Variants in USP20 observed in about 807,000 individuals in gnomAD.
USP20 encodes the protein ubiquitin specific peptidase 20, also known as ubiquitin carboxyl-terminal hydrolase 20.
Under a neutral mutation model 124.2 loss-of-function variants are expected in USP20, and 80 were observed. The observed-to-expected ratio is 0.64, with a 90% CI of 0.54 to 0.78. The LOEUF (loss-of-function observed/expected upper bound fraction) is 0.78. USP20 is among the 30% of genes least tolerant of loss of function. The probability of loss-of-function intolerance (pLI) is 0.00; values close to 1 mark genes in which losing one functional copy is unlikely to be tolerated. For synonymous variants in USP20, 481 were observed against 512.3 expected (o/e 0.94, Z 0.83); for missense variants, 1,043 against 1,244.4 (o/e 0.84, Z 2.44).
chr9:129,837,520 A>C (rs34144975), intron 1 of USP20, among the ~76,000 whole-genome samples: 28,540 of 152,102 alleles, frequency 0.19, 3,197 homozygotes, highest in South Asian at 0.26. Context: ...CAATGTATTC[A>C]ACAGATTCTT....
At chr9:129,854,681 G>A (rs2033120459) in intron 3 of USP20, among the ~76,000 whole-genome samples, 1 of 152,060 alleles carries the variant, frequency 6.6e-6, no homozygotes, top group Admixed American at 6.6e-5. Flanking sequence ...GAATTGTGAA[G>A]TCAAAAAATC....
At chr9:129,870,285 G>T in intron 14 of USP20, 168 bp from the exon 15 acceptor site, 1 of 646,562 alleles carries the variant, frequency 1.5e-6, no homozygotes, top group Non-Finnish European at 2.7e-6. Context: ...CCAGGACACG[G>T]ACGTGTCTGG....
In USP20 at chr9:129,874,612, G is replaced by GTGA. The variant is rs1564220844; in HGVS notation, c.1780_1782dup (p.Met594dup). On this transcript the variant is annotated inframe_insertion, in exon 18 of 26. Coordinates refer to ENST00000372429, the MANE Select transcript of USP20 (RefSeq NM_001110303.4). ...TCACCTAAAGCGCTTTCGGCACGAG[G>GTGA]TGATGTACTCATTCAAGATCAACAG... 1 of 1,613,800 alleles carries GTGA rather than the reference G, an allele frequency of 6.2e-7. No individual in the cohort carries two copies. The highest frequency in any genetic ancestry group is 8.5e-7 in the Non-Finnish European group (1 of 1,180,006).
At chr9:129,864,547 G>A (rs187504293) in intron 9 of USP20, among the ~76,000 whole-genome samples, 9 of 151,330 alleles carry the variant, frequency 5.9e-5, no homozygotes, top group Non-Finnish European at 8.8e-5. Flanking sequence ...AGGCCGAGGC[G>A]GGTGGATCGC....
chr9:129,877,578 G>A (rs978077520), intron 22 of USP20, among the ~76,000 whole-genome samples: 2 of 151,176 alleles, frequency 1.3e-5, no homozygotes, highest in Non-Finnish European at 3.0e-5. Context: ...TGCACCTGTG[G>A]TCCAACCTAC....
chr9:129,870,187 C>G, intron 14 of USP20: 4 of 565,376 alleles, frequency 7.1e-6, no homozygotes, highest in Non-Finnish European at 1.3e-5. Context: ...GGCCAGAGAC[C>G]CGCATGACCC....
At position 129,878,337 on chromosome 9, in the gene USP20, G is replaced by C; in HGVS notation, c.2410-1G>C. The C allele has an allele frequency of 6.3e-7, 1 of 1,586,618 alleles. No individual in the cohort carries two copies. Among genetic ancestry groups the C allele is most frequent in the Non-Finnish European group, 8.6e-7 (1 of 1,166,404 alleles). ...TCCTCCCGTCCCTGCCCGCCTGCCA[G>C]TTGAACAAGGCCTTCCAGGCCGAGG... On this transcript the variant is annotated splice_acceptor_variant, in intron 22 of 25. Transcript: ENST00000372429. LOFTEE classifies it high-confidence loss of function.
Position 129,839,120 on chromosome 9 carries a change from T to C in USP20, c.-129+3621T>C, listed in dbSNP as rs1225836005. 1.3e-5 allele frequency among the ~76,000 whole-genome samples: 2 copies of C among 152,156 alleles called. No individual in the cohort carries two copies. The highest frequency in any genetic ancestry group is 2.9e-5 in the Non-Finnish European group (2 of 68,028). ...ATCGTGGAGCTGAGTGTTCAGAGCA[T>C]GGGCTTCAGGGCAGGTAGTCGTGGG... On this transcript the variant is annotated intron_variant, in intron 1 of 25. Coordinates refer to ENST00000372429, the MANE Select transcript of USP20 (RefSeq NM_001110303.4). The surrounding 1 kb of genome is among the most constrained non-coding windows in gnomAD (Gnocchi z 4.5).
At chr9:129,858,256 G>A (rs1378884376) in intron 5 of USP20, 144 bp downstream of exon 5, 6 of 1,145,936 alleles carry the variant, frequency 5.2e-6, no homozygotes, top group Non-Finnish European at 7.5e-6. Flanking sequence ...AAGCAAGAGA[G>A]AATGCAGGTA....
At position 129,880,299 on chromosome 9, in the gene USP20, C is replaced by T. The variant is rs2034588642; in HGVS notation, c.*16+10C>T. On this transcript the variant is annotated intron_variant, in intron 25 of 25. Transcript: ENST00000372429. The stretch of plus-strand genomic sequence containing the variant: ...TCTGCTGGGCTAGTCTGTAAGTCGC[C>T]CCGGCTGGTCCCTCCATGGCACTCT... The T allele has an allele frequency of 1.3e-6, 2 of 1,554,354 alleles. No homozygotes were observed. Among genetic ancestry groups the T allele is most frequent in the Non-Finnish European group, 1.7e-6 (2 of 1,153,498 alleles).
intron 2 of USP20, among the ~76,000 whole-genome samples, chr9:129,850,698 T>TTC (rs369506120): frequency 0.16 from 24,158 of 151,946 alleles, 2,330 homozygotes; most frequent in Non-Finnish European, 0.21. Flanking sequence ...TCTTGTTGCC[T>TTC]AGGCTGCGGT....
At position 129,880,093 on chromosome 9, in the gene USP20, G is replaced by A. The variant is rs773247074; in HGVS notation, c.2585-20G>A. On this transcript the variant is annotated intron_variant, in intron 24 of 25. Transcript: ENST00000372429. ...TGAGGAGGCAAAGGTGAGCCTAGGG[G>A]TGCCTCTCGTGCCCTGCAGGAGCTG... 7 of 1,610,960 alleles carry A rather than the reference G, an allele frequency of 4.3e-6. No homozygotes were observed. The highest frequency in any genetic ancestry group is 5.9e-6 in the Non-Finnish European group (7 of 1,177,864).
chr9:129,847,431 T>G (rs2032646215), intron 1 of USP20, among the ~76,000 whole-genome samples: 1 of 151,410 alleles, frequency 6.6e-6, no homozygotes. Flanking sequence ...ACCTCCTGAG[T>G]AGCTGGAATT....
chr9:129,870,349 G>T, intron 14 of USP20, 104 bp from the exon 15 acceptor site: 1 of 1,272,620 alleles, frequency 7.9e-7, no homozygotes. Flanking sequence ...GGGCCTTCAG[G>T]GTCCTTCTGC....
At chr9:129,873,780 A>C in intron 17 of USP20, 36 bp downstream of exon 17, 1 of 1,606,780 alleles carries the variant, frequency 6.2e-7, no homozygotes, top group Non-Finnish European at 8.5e-7. Flanking sequence ...CTCCTCAGCT[A>C]TCTCGGGATG....
At chr9:129,843,937 C>T (rs1472936371) in intron 1 of USP20, among the ~76,000 whole-genome samples, 1 of 151,866 alleles carries the variant, frequency 6.6e-6, no homozygotes, top group Non-Finnish European at 1.5e-5. Context: ...CTTGGTAGTG[C>T]ATGCCTGTAG....
intron 23 of USP20, 143 bp downstream of exon 23, chr9:129,878,583 G>A (rs900155636): frequency 1.1e-5 from 8 of 718,854 alleles, no homozygotes; most frequent in South Asian, 1.9e-5. Context: ...TGAACAGAGA[G>A]CATGGGGCTT....
chr9:129,867,997 G>C lies in USP20; in HGVS notation c.691-8G>C. On this transcript the variant is annotated splice_polypyrimidine_tract_variant and splice_region_variant and intron_variant, in intron 10 of 25. Coordinates refer to ENST00000372429, the MANE Select transcript of USP20 (RefSeq NM_001110303.4). ...GGGGAGCCCTGTTGATGCAGCCCCT[G>C]GTTCTAGGACACCCAAGAGTTCCTT... 1 of 1,607,868 alleles carries C rather than the reference G, an allele frequency of 6.2e-7. No individual in the cohort carries two copies. The highest frequency in any genetic ancestry group is 2.2e-5 in the East Asian group (1 of 44,766).
Position 129,854,194 on chromosome 9 carries a change from G to A in USP20, c.81+1558G>A, listed in dbSNP as rs116803425. ...GTTATGGAGAAAATGGGCCACTCAC[G>A]TTGTGGTAGGGCTAGGAATTACCGT... is the stretch of plus-strand genomic sequence containing the variant. On this transcript the variant is annotated intron_variant, in intron 3 of 25. Coordinates refer to ENST00000372429, the MANE Select transcript of USP20 (RefSeq NM_001110303.4). Among the ~76,000 whole-genome samples, 771 of 152,332 alleles carry A rather than the reference G, an allele frequency of 5.1e-3. 3 individuals are homozygous for A. Among genetic ancestry groups the A allele is most frequent in the African/African-American group, 0.018 (729 of 41,558 alleles).
Sources: allele counts gnomAD v4.1 joint callset (sites outside exome capture counted in the v4.1 genomes callset), GRCh38; gene constraint gnomAD v4.1.1; non-coding constraint Gnocchi (gnomAD v3.1); transcripts MANE v1.5; gene names NCBI Gene and HGNC (gene_info 2026-07-23, HGNC 2026-07-21).